Variants in CREB5 observed in about 807,000 individuals in gnomAD.
CREB5 encodes the protein cyclic AMP-responsive element-binding protein 5.
A neutral mutation model predicts 57.1 loss-of-function variants in CREB5; 19 were observed. The observed-to-expected ratio is 0.33, with a 90% confidence interval of 0.23 to 0.49. The LOEUF (loss-of-function observed/expected upper bound fraction) is 0.49, where lower values mean the gene tolerates loss of function less well. CREB5 is among the 20% of genes least tolerant of loss of function. The probability of loss-of-function intolerance (pLI) is 0.99; values close to 1 mark genes in which losing one functional copy is unlikely to be tolerated. For synonymous variants in CREB5, 238 were observed against 238.3 expected (o/e 1.00, Z 0.01); for missense variants, 579 against 671.6 (o/e 0.86, Z 1.52).
intron 1 of CREB5, among the ~76,000 whole-genome samples, chr7:28,301,483 A>G (rs1324700558): frequency 6.6e-6 from 1 of 152,202 alleles, no homozygotes; most frequent in Non-Finnish European, 1.5e-5. Flanking sequence ...CTGCAATTCT[A>G]ACAAACTCTG....
At chr7:28,445,821 G>C (rs1301639778) in intron 1 of CREB5, among the ~76,000 whole-genome samples, 2 of 152,126 alleles carry the variant, frequency 1.3e-5, no homozygotes, top group East Asian at 1.9e-4. Context: ...AAAGTGCTGG[G>C]ATTACAGGCG....
At chr7:28,670,042 A>G (rs1258182743) in intron 5 of CREB5, among the ~76,000 whole-genome samples, 2 of 152,226 alleles carry the variant, frequency 1.3e-5, no homozygotes, top group African/African-American at 2.4e-5. Flanking sequence ...TTTTGAGACC[A>G]GTTGGTACAT....
At chr7:28,473,895 C>T (rs566489812) in intron 1 of CREB5, among the ~76,000 whole-genome samples, 53 of 152,312 alleles carry the variant, frequency 3.5e-4, no homozygotes, top group African/African-American at 7.2e-4. Context: ...AGATTTCTAG[C>T]GAGTGTTTTA....
At chr7:28,746,530 G>A (rs944853803) in intron 7 of CREB5, among the ~76,000 whole-genome samples, 1 of 152,198 alleles carries the variant, frequency 6.6e-6, no homozygotes, top group Admixed American at 6.5e-5. Context: ...ACATTAAGCT[G>A]TGAGAAGCAC....
At chr7:28,596,387 A>G (rs149960813) in intron 5 of CREB5, among the ~76,000 whole-genome samples, 242 of 152,164 alleles carry the variant, frequency 1.6e-3, no homozygotes, top group Middle Eastern at 3.4e-3. Context: ...CATTGCATAT[A>G]TTAGAACAAA....
intron 5 of CREB5, among the ~76,000 whole-genome samples, chr7:28,621,648 A>G (rs1797795635): frequency 6.6e-6 from 1 of 152,148 alleles, no homozygotes; most frequent in African/African-American, 2.4e-5. Context: ...TAAAAGAGTG[A>G]TAAATTTATG....
chr7:28,819,045 C>T, intron 10 of CREB5, 71 bp from the exon 11 acceptor site: 1 of 1,504,166 alleles, frequency 6.6e-7, no homozygotes, highest in South Asian at 1.3e-5. Flanking sequence ...GAGGAGTCCA[C>T]AAGTCCATAC....
intron 1 of CREB5, among the ~76,000 whole-genome samples, chr7:28,475,266 T>C (rs1300717735): frequency 9.0e-6 from 1 of 111,304 alleles, no homozygotes; most frequent in Non-Finnish European, 2.0e-5. Context: ...TTTTTTTTTT[T>C]TTTTTTTTTT....
At chr7:28,583,172 C>T (rs1796181383) in intron 5 of CREB5, among the ~76,000 whole-genome samples, 1 of 152,182 alleles carries the variant, frequency 6.6e-6, no homozygotes, top group African/African-American at 2.4e-5. Flanking sequence ...TTTCTTTGAA[C>T]AAAGGGCTCT....
chr7:28,608,131 A>T (rs910939056), intron 5 of CREB5, among the ~76,000 whole-genome samples: 70 of 136,236 alleles, frequency 5.1e-4, no homozygotes, highest in African/African-American at 2.0e-3. Flanking sequence ...ACTCACACAC[A>T]CACACACACA....
At chr7:28,784,240 C>A (rs1240284932) in intron 7 of CREB5, among the ~76,000 whole-genome samples, 1 of 152,244 alleles carries the variant, frequency 6.6e-6, no homozygotes, top group Admixed American at 6.5e-5. Context: ...CCTGCAGGGC[C>A]TGCGAGAGAG....
rs1245225325 is a variant in CREB5, at chr7:28,823,783, T to G, written c.*4504T>G. On this transcript the variant is annotated 3_prime_UTR_variant, in exon 11 of 11. Transcript: ENST00000357727. ...ACTATTCAGCTCCCTTAGTGCTTTT[T>G]GTCCCTTCCCGAACAATATGCAGTA... The G allele has an allele frequency of 6.6e-6, 1 of 152,632 alleles. No homozygotes were observed. The highest frequency in any genetic ancestry group is 1.5e-5 in the Non-Finnish European group (1 of 68,044). The allele number at this position is 152,632 out of a possible 1,614,324, so 9.5% of individuals were successfully genotyped here.
At chr7:28,407,741 G>A (rs1222592274), upstream of CREB5, among the ~76,000 whole-genome samples, 1 of 152,190 alleles carries the variant, frequency 6.6e-6, no homozygotes, top group Non-Finnish European at 1.5e-5. Flanking sequence ...TAAAGGGCAA[G>A]GGGCCACTTA....
intron 5 of CREB5, among the ~76,000 whole-genome samples, chr7:28,665,584 AG>A (rs889387483): frequency 3.9e-4 from 59 of 152,304 alleles, no homozygotes; most frequent in Middle Eastern, 3.4e-3. Flanking sequence ...ATAAGAAAGT[AG>A]GGGGAAAAAC....
intron 5 of CREB5, among the ~76,000 whole-genome samples, chr7:28,698,559 G>A (rs748479344): frequency 2.5e-4 from 38 of 152,290 alleles, no homozygotes; most frequent in Non-Finnish European, 5.0e-4. Flanking sequence ...GGTGTCCAGA[G>A]CAGTGCATGG....
At chr7:28,673,244 G>A (rs928271416) in intron 5 of CREB5, among the ~76,000 whole-genome samples, 1 of 152,156 alleles carries the variant, frequency 6.6e-6, no homozygotes, top group Non-Finnish European at 1.5e-5. Flanking sequence ...AGGGCCTTTT[G>A]GGTCTAACAC....
intron 7 of CREB5, among the ~76,000 whole-genome samples, chr7:28,796,225 G>GT (rs985733131): frequency 6.6e-6 from 1 of 152,034 alleles, no homozygotes; most frequent in African/African-American, 2.4e-5. Context: ...AGTAATCTGG[G>GT]TTTTTTGTCT....
intron 1 of CREB5, among the ~76,000 whole-genome samples, chr7:28,407,350 C>T (rs940531756): frequency 4.6e-5 from 7 of 152,170 alleles, no homozygotes; most frequent in Non-Finnish European, 1.0e-4. Flanking sequence ...CGTGCCCGGC[C>T]CCAAGCACAA....
intron 5 of CREB5, among the ~76,000 whole-genome samples, chr7:28,635,826 G>A (rs1436126971): frequency 1.3e-5 from 2 of 152,186 alleles, no homozygotes; most frequent in Non-Finnish European, 2.9e-5. Context: ...GCATATGCCA[G>A]TTGATATGGT....
Sources: gnomAD v4.1 joint callset for allele counts (sites outside exome capture counted in the v4.1 genomes callset) on GRCh38, gnomAD v4.1.1 for gene constraint, MANE v1.5 for transcripts, NCBI Gene and HGNC (gene_info 2026-07-23, HGNC 2026-07-21) for gene names.